The following ZSWIM3 variants were observed in gnomAD, a reference collection of about 807,000 sequenced individuals.
ZSWIM3 encodes zinc finger SWIM domain-containing protein 3.
Under a neutral mutation model 47.5 loss-of-function variants are expected in ZSWIM3, and 27 were observed. The ratio of observed to expected loss-of-function variants is 0.57; its 90% CI spans 0.42 to 0.78. ZSWIM3 has a LOEUF of 0.78. Ranked by LOEUF, ZSWIM3 falls within the 30% of genes least tolerant of loss-of-function variation. The pLI is 0.00. For synonymous variants in ZSWIM3, 333 were observed against 333.9 expected (o/e 1.00, Z 0.03); for missense variants, 689 against 861.3 (o/e 0.80, Z 2.50).
intron 1 of ZSWIM3, among the ~76,000 whole-genome samples, chr20:45,875,571 G>A (rs1479150582): frequency 2.6e-5 from 4 of 151,742 alleles, no homozygotes; most frequent in Non-Finnish European, 5.9e-5. Flanking sequence ...GCGTGATCTC[G>A]GCTCCCTGCA....
chr20:45,862,737 C>T (rs1985740210), intron 1 of ZSWIM3, among the ~76,000 whole-genome samples: 1 of 152,210 alleles, frequency 6.6e-6, no homozygotes, highest in Non-Finnish European at 1.5e-5. Context: ...AGTTATACAC[C>T]CATCTCAGCC....
Position 45,877,984 on chromosome 20 carries a change from G to A in ZSWIM3, c.1426G>A (p.Ala476Thr), listed in dbSNP as rs139419541. Reference protein sequence around the residue: ...SLPAEETKPDAQQVQVQQQSQ... With the variant: ...SLPAEETKPDTQQVQVQQQSQ... ...CCCTGCAGAAGAGACCAAGCCAGAC[G>A]CACAGCAGGTACAGGTACAGCAGCA... Residue 476 changes from alanine to threonine, a missense_variant, in exon 2 of 2, where the codon GCA becomes ACA. Ala to Thr is a moderately conservative substitution (Grantham distance 58). Transcript: ENST00000255152. 53 of 1,613,990 alleles carry A rather than the reference G, an allele frequency of 3.3e-5. No individual in the cohort carries two copies. In the African/African-American group the frequency reaches 4.8e-4, roughly 15 times the overall value.
At position 45,877,711 on chromosome 20, in the gene ZSWIM3, C is replaced by T. The variant is rs759892039; in HGVS notation, c.1153C>T (p.Leu385=). The T allele has an allele frequency of 5.6e-6, 9 of 1,613,914 alleles. No homozygotes were observed. In the Admixed American group the frequency reaches 1.5e-4, roughly 27 times the overall value. The change falls in exon 2 of 2, where the codon CTG becomes TTG. Residue 385 remains leucine, a synonymous_variant. Transcript: ENST00000255152. ...LLWYMHVRKG[L]LACNTYMDSL... The stretch of plus-strand genomic sequence containing the variant: ...GTGGTACATGCATGTTAGGAAGGGC[C>T]TGCTTGCGTGTAACACCTACATGGA...
chr20:45,873,086 A>G (rs1297903566), intron 1 of ZSWIM3, among the ~76,000 whole-genome samples: 1 of 152,104 alleles, frequency 6.6e-6, no homozygotes, highest in Non-Finnish European at 1.5e-5. Flanking sequence ...TCCATGATCC[A>G]TTCATCCAGT....
rs1252649275 is a variant in ZSWIM3, at chr20:45,878,553, A to T, written c.1995A>T (p.Pro665=). 6.2e-7 allele frequency: 1 copy of T among 1,614,210 alleles called. No individual in the cohort carries two copies. The part of the protein sequence containing the change: ...PSQPSELFQQ[P]GDFKDVGRLP... Reference sequence around the variant, plus strand: ...AGCCATCTGAGCTCTTTCAGCAGCCAGGAGACTTTAAGGACGTGGGCCGCC... The same window carrying T: ...AGCCATCTGAGCTCTTTCAGCAGCCTGGAGACTTTAAGGACGTGGGCCGCC... Residue 665 remains proline (P), a synonymous_variant, in exon 2 of 2, where the codon CCA becomes CCT. Transcript: ENST00000255152.
chr20:45,857,649 C>G lies in ZSWIM3; in HGVS notation c.-177C>G, dbSNP rs531890542. 4.9e-4 allele frequency: 373 copies of G among 759,408 alleles called. 1 individual carries two copies. The African/African-American group carries it at 5.8e-3, about 12-fold the overall frequency. 47.0% of individuals were successfully genotyped at this position (759,408 alleles called of 1,614,324 possible). A position where few individuals can be genotyped will look rare whatever the true frequency, so the allele number is the denominator to read the frequency against. On this transcript the variant is annotated 5_prime_UTR_variant, in exon 1 of 2. Coordinates refer to ENST00000255152, the MANE Select transcript of ZSWIM3 (RefSeq NM_080752.4). ...AAATACACCCCCTTCCTCTTGTAACCCGGTCAGGCCTAGGGTTCCTCCCTG... is the reference window on the plus strand; with the variant it reads ...AAATACACCCCCTTCCTCTTGTAACGCGGTCAGGCCTAGGGTTCCTCCCTG...
chr20:45,869,713 C>G (rs1209127353), intron 1 of ZSWIM3, among the ~76,000 whole-genome samples: 1 of 151,950 alleles, frequency 6.6e-6, no homozygotes, highest in Non-Finnish European at 1.5e-5. Flanking sequence ...TAGGAAGGCT[C>G]CCCATGTGGC....
chr20:45,864,980 C>CTT (rs1447351640), intron 1 of ZSWIM3, among the ~76,000 whole-genome samples: 1 of 152,064 alleles, frequency 6.6e-6, no homozygotes, highest in Non-Finnish European at 1.5e-5. Flanking sequence ...ACCATCCTGG[C>CTT]TAACACGGAG....
intron 1 of ZSWIM3, among the ~76,000 whole-genome samples, chr20:45,867,507 T>C (rs971404663): frequency 1.3e-5 from 2 of 152,222 alleles, no homozygotes; most frequent in African/African-American, 4.8e-5. Flanking sequence ...TTAATTTTAC[T>C]GAATTATGCT....
chr20:45,874,970 C>T (rs1218914840), intron 1 of ZSWIM3, among the ~76,000 whole-genome samples: 1 of 151,246 alleles, frequency 6.6e-6, no homozygotes, highest in Non-Finnish European at 1.5e-5. Flanking sequence ...TTTTTTTCCC[C>T]ATGACACAAC....
In ZSWIM3 at chr20:45,877,191, C is replaced by T. The variant is rs61733888; in HGVS notation, c.633C>T (p.Thr211=). Residue 211 remains threonine, a synonymous_variant, in exon 2 of 2, where the codon ACC becomes ACT. Coordinates refer to ENST00000255152, the MANE Select transcript of ZSWIM3 (RefSeq NM_080752.4). The part of the protein sequence containing the change: ...DRLSFQSSKM[T]DLFIRFPENL... ...TCAGCTTCCAGAGCAGTAAGATGAC[C>T]GACCTGTTCATCCGCTTCCCAGAGA... is the stretch of plus-strand genomic sequence containing the variant. The T allele has an allele frequency of 0.05, 80,949 of 1,614,036 alleles. 2,618 individuals are homozygous for T. The highest frequency in any genetic ancestry group is 0.13 in the South Asian group (11,465 of 91,058).
chr20:45,876,406 A>G (rs569361633), intron 1 of ZSWIM3, among the ~76,000 whole-genome samples: 9 of 151,864 alleles, frequency 5.9e-5, no homozygotes, highest in Non-Finnish European at 1.2e-4. Context: ...TGGCATGAAC[A>G]TGGCTTACTG....
In ZSWIM3 at chr20:45,877,152, G is replaced by A; in HGVS notation, c.594G>A (p.Gln198=). ...SMASFSVGDS[Q]HLDRLSFQSS... is the part of the protein sequence containing the mutation. Reference sequence around the variant, plus strand: ...CTTCCTTCAGTGTGGGTGACAGCCAGCACCTGGACCGGCTCAGCTTCCAGA... The same window carrying A: ...CTTCCTTCAGTGTGGGTGACAGCCAACACCTGGACCGGCTCAGCTTCCAGA... Residue 198 remains glutamine (Q), a synonymous_variant, in exon 2 of 2, where the codon CAG becomes CAA. Coordinates refer to ENST00000255152, the MANE Select transcript of ZSWIM3 (RefSeq NM_080752.4). The A allele has an allele frequency of 2.5e-6, 4 of 1,614,156 alleles. No homozygotes were observed. Among genetic ancestry groups the A allele is most frequent in the Non-Finnish European group, 3.4e-6 (4 of 1,180,030 alleles).
rs1442402362 is a variant in ZSWIM3, at chr20:45,878,325, G to A, written c.1767G>A (p.Gln589=). Residue 589 remains glutamine (Q), a synonymous_variant, in exon 2 of 2, where the codon CAG becomes CAA. Coordinates refer to ENST00000255152, the MANE Select transcript of ZSWIM3 (RefSeq NM_080752.4). ...MVCRRWQKKY[Q]YLLGPNGELQ... ...GCCGCCGGTGGCAGAAGAAGTACCA[G>A]TACCTCCTTGGGCCCAATGGGGAGC... The A allele has an allele frequency of 6.2e-7, 1 of 1,614,246 alleles. No homozygotes were observed.
chr20:45,875,465 C>G (rs111948382), intron 1 of ZSWIM3, among the ~76,000 whole-genome samples: 1 of 137,500 alleles, frequency 7.3e-6, no homozygotes, highest in African/African-American at 2.8e-5. Context: ...CCCAGCCTTC[C>G]TTCTTTCCTT....
intron 1 of ZSWIM3, among the ~76,000 whole-genome samples, chr20:45,858,848 A>G (rs1187572905): frequency 6.6e-6 from 1 of 152,122 alleles, no homozygotes. Flanking sequence ...GACAGATGAG[A>G]AGTCAGGCTT....
At chr20:45,876,323 G>A (rs1029191567) in intron 1 of ZSWIM3, among the ~76,000 whole-genome samples, 3 of 150,276 alleles carry the variant, frequency 2.0e-5, no homozygotes, top group Admixed American at 6.7e-5. Flanking sequence ...GGGATTACAG[G>A]TGTGAGCCAC....
chr20:45,870,294 C>G (rs1050811916), intron 1 of ZSWIM3, among the ~76,000 whole-genome samples: 6 of 151,614 alleles, frequency 4.0e-5, no homozygotes, highest in Admixed American at 2.6e-4. Flanking sequence ...GAGCCAAGAC[C>G]GTGCCAGTGC....
At chr20:45,874,362 A>T (rs533427154) in intron 1 of ZSWIM3, among the ~76,000 whole-genome samples, 4 of 152,286 alleles carry the variant, frequency 2.6e-5, no homozygotes, top group African/African-American at 9.6e-5. Context: ...AAATACAAAA[A>T]TTAGTCAGGT....
Sources: allele counts gnomAD v4.1 joint callset (sites outside exome capture counted in the v4.1 genomes callset), GRCh38; gene constraint gnomAD v4.1.1; transcripts MANE v1.5; gene names NCBI Gene and HGNC (gene_info 2026-07-23, HGNC 2026-07-21).